Variants in PMFBP1 observed in about 807,000 individuals in gnomAD.
PMFBP1 encodes polyamine modulated factor 1 binding protein 1.
PMFBP1 carries 131 observed loss-of-function variants against 137.8 expected under a neutral mutation model. The observed-to-expected ratio is 0.95, with a 90% confidence interval of 0.82 to 1.10. The LOEUF (loss-of-function observed/expected upper bound fraction) is 1.10. PMFBP1 is among the 50% of genes least tolerant of loss of function. The probability of loss-of-function intolerance (pLI) is 0.00; values close to 1 mark genes in which losing one functional copy is unlikely to be tolerated. For missense variants in PMFBP1, 1,199 were observed against 1,175.4 expected (o/e 1.02, Z -0.29); for synonymous variants, 490 against 450.4 (o/e 1.09, Z -1.11).
In PMFBP1 at chr16:72,119,949, CTCTGTGTGGACTCCGT is replaced by C; in HGVS notation, c.2893_2908del (p.Thr965GlyfsTer43). On this transcript the variant is annotated frameshift_variant, in exon 20 of 21. Coordinates refer to ENST00000237353, the MANE Select transcript of PMFBP1 (RefSeq NM_031293.3). LOFTEE classifies it high-confidence loss of function. ...GCCCAAGGTGCCGCACACTTTCTCC[CTCTGTGTGGACTCCGT>C]TCTGCTCGGGCCTAGGGCTTTGGTG... The C allele has an allele frequency of 1.9e-6, 3 of 1,614,220 alleles. No individual in the cohort carries two copies. The highest frequency in any genetic ancestry group is 2.5e-6 in the Non-Finnish European group (3 of 1,180,030).
At chr16:72,178,789 T>C (rs1181072375), upstream of PMFBP1, among the ~76,000 whole-genome samples, 2 of 152,226 alleles carry the variant, frequency 1.3e-5, no homozygotes, top group Admixed American at 6.5e-5. Flanking sequence ...CACTTCTTCA[T>C]GGAGTCAGGG....
At chr16:72,181,100 G>A (rs35745897), upstream of PMFBP1, among the ~76,000 whole-genome samples, 7,666 of 151,986 alleles carry the variant, frequency 0.05, 263 homozygotes, top group Non-Finnish European at 0.072. Flanking sequence ...TTAGCTGGAC[G>A]TGGTGGCGCG....
intron 16 of PMFBP1, 107 bp downstream of exon 16, chr16:72,125,131 A>G (rs563894871): frequency 6.9e-7 from 1 of 1,454,126 alleles, no homozygotes; most frequent in East Asian, 2.3e-5. Context: ...AGTGGAGGGA[A>G]CCTAGCAGCC....
intron 15 of PMFBP1, 123 bp downstream of exon 15, chr16:72,125,845 A>C: frequency 8.0e-7 from 1 of 1,255,094 alleles, no homozygotes; most frequent in African/African-American, 1.5e-5. Context: ...CCCAGCCCAC[A>C]CAAGGGTTTG....
At chr16:72,193,423 GA>G in the PMFBP1 span, among the ~76,000 whole-genome samples, 1 of 151,864 alleles carries the variant, frequency 6.6e-6, no homozygotes, top group African/African-American at 2.4e-5. Context: ...TTATATGTAT[GA>G]AAAAAATTGT....
Position 72,129,175 on chromosome 16 carries a change from T to C in PMFBP1, c.1841A>G (p.Lys614Arg). Residue 614 changes from lysine to arginine, a missense_variant, in exon 13 of 21, where the codon AAG (lysine) becomes AGG (arginine). Lys to Arg is a conservative substitution (Grantham distance 26). Transcript: ENST00000237353. ...CTGCTCCCGTTTGTCCTCCAGAAGC[T>C]TTGTGGCCTCCTGAAGATCTTCTTC... ...KLEEDLQEAT[K>R]LLEDKREQLK... 1 of 1,614,178 alleles carries C rather than the reference T, an allele frequency of 6.2e-7. No homozygotes were observed. The highest frequency in any genetic ancestry group is 1.7e-5 in the Admixed American group (1 of 60,030).
At position 72,128,744 on chromosome 16, in the gene PMFBP1, T is replaced by A; in HGVS notation, c.2001A>T (p.Ala667=). The change falls in exon 14 of 21, where the codon GCA becomes GCT. Residue 667 remains alanine, a synonymous_variant. Coordinates refer to ENST00000237353, the MANE Select transcript of PMFBP1 (RefSeq NM_031293.3). ...GTTGTGTAGAACAACACTGTAGCTC[T>A]GCTCGGAGATTCTCATTTTCTTCCT... ...KLEEENENLR[A]ELQCCSTQLE... is the part of the protein sequence containing the mutation. The A allele has an allele frequency of 6.2e-7, 1 of 1,614,232 alleles. No individual in the cohort carries two copies. Among genetic ancestry groups the A allele is most frequent in the Middle Eastern group, 1.6e-4 (1 of 6,062 alleles).
intron 15 of PMFBP1, 61 bp from the exon 16 acceptor site, chr16:72,125,466 C>A: frequency 3.2e-6 from 5 of 1,550,586 alleles, no homozygotes; most frequent in Non-Finnish European, 4.4e-6. Context: ...TCTGCTGAGT[C>A]CTGAATGGAG....
chr16:72,174,706 G>A (rs2043251164), upstream of PMFBP1, among the ~76,000 whole-genome samples: 1 of 152,208 alleles, frequency 6.6e-6, no homozygotes, highest in Admixed American at 6.6e-5. Context: ...GGTGGCAGGA[G>A]AGAGAATGAG....
intron 5 of PMFBP1, among the ~76,000 whole-genome samples, chr16:72,149,906 G>C (rs2042876004): frequency 6.6e-6 from 1 of 152,142 alleles, no homozygotes. Context: ...AGCCCCGAGA[G>C]GATTCTCAAC....
the PMFBP1 span, among the ~76,000 whole-genome samples, chr16:72,193,695 G>A: frequency 2.0e-5 from 3 of 150,024 alleles, no homozygotes; most frequent in Non-Finnish European, 3.0e-5. Context: ...GTGCTCTCTG[G>A]GGATGCAAAC....
upstream of PMFBP1, among the ~76,000 whole-genome samples, chr16:72,178,170 T>C (rs1191929623): frequency 2.6e-5 from 4 of 152,126 alleles, no homozygotes; most frequent in African/African-American, 9.7e-5. Flanking sequence ...CTGATGTTTC[T>C]CTGTGCTGAG....
rs1344309447 is a variant in PMFBP1, at chr16:72,171,203, T to G, written c.6A>C (p.Lys2Asn). Residue 2 changes from lysine to asparagine, a missense_variant, in exon 2 of 21, where the codon AAA (lysine) becomes AAC (asparagine). Coordinates refer to ENST00000237353, the MANE Select transcript of PMFBP1 (RefSeq NM_031293.3). M[K>N]DEAGERDREV... ...GAGGAGTTAGGAGCCTTACCTCATC[T>G]TTCATTTCCTTGGCAGCTCTCAATT... 16 of 1,613,870 alleles carry G rather than the reference T, an allele frequency of 9.9e-6. No homozygotes were observed. Among genetic ancestry groups the G allele is most frequent in the African/African-American group, 1.3e-5 (1 of 74,930 alleles).
At chr16:72,140,798 T>A (rs2042707672) in intron 5 of PMFBP1, among the ~76,000 whole-genome samples, 1 of 152,166 alleles carries the variant, frequency 6.6e-6, no homozygotes, top group Non-Finnish European at 1.5e-5. Context: ...AAGATAAGTC[T>A]TCCTCCATCC....
At chr16:72,169,944 T>C (rs1308181521) in intron 2 of PMFBP1, among the ~76,000 whole-genome samples, 3 of 152,134 alleles carry the variant, frequency 2.0e-5, no homozygotes, top group Non-Finnish European at 2.9e-5. Flanking sequence ...CCTGTAAGTA[T>C]ACAGACTAGG....
the PMFBP1 span, among the ~76,000 whole-genome samples, chr16:72,229,108 G>C: frequency 6.6e-6 from 1 of 151,960 alleles, no homozygotes; most frequent in Non-Finnish European, 1.5e-5. Flanking sequence ...TGCAGTATTT[G>C]GTTTTCTGTT....
the PMFBP1 span, among the ~76,000 whole-genome samples, chr16:72,209,296 G>A: frequency 6.6e-6 from 1 of 152,192 alleles, no homozygotes; most frequent in Non-Finnish European, 1.5e-5. Context: ...CCCATTAGCT[G>A]TCATTTCTCA....
chr16:72,184,008 C>T, the PMFBP1 span, among the ~76,000 whole-genome samples: 1 of 152,150 alleles, frequency 6.6e-6, no homozygotes, highest in East Asian at 1.9e-4. Context: ...GTGGCTACCT[C>T]TAGAAATATT....
intron 14 of PMFBP1, among the ~76,000 whole-genome samples, chr16:72,127,267 G>C (rs1476869550): frequency 6.6e-6 from 1 of 152,196 alleles, no homozygotes; most frequent in African/African-American, 2.4e-5. Context: ...TTAGTGAGAT[G>C]AAAAGTGGTA....
Sources: allele counts gnomAD v4.1 joint callset (sites outside exome capture counted in the v4.1 genomes callset), GRCh38; gene constraint gnomAD v4.1.1; transcripts MANE v1.5; gene names NCBI Gene and HGNC (gene_info 2026-07-23, HGNC 2026-07-21).